MEF2A: variants seen among roughly 807,000 people sequenced by gnomAD.
MEF2A encodes myocyte-specific enhancer factor 2A.
MEF2A carries 28 observed loss-of-function variants against 55.8 expected under a neutral mutation model. The observed-to-expected ratio is 0.50, with a 90% CI of 0.37 to 0.69. The LOEUF (loss-of-function observed/expected upper bound fraction) is 0.69. Among genes scored for constraint, MEF2A ranks in the 30% least tolerant of loss-of-function variants. The probability of loss-of-function intolerance (pLI) is 0.00; values close to 1 mark genes in which losing one functional copy is unlikely to be tolerated. For missense variants in MEF2A, 528 were observed against 626.2 expected (o/e 0.84, Z 1.67); for synonymous variants, 239 against 227.1 (o/e 1.05, Z -0.47).
At chr15:99,684,111 C>G (rs2053768423) in intron 7 of MEF2A, among the ~76,000 whole-genome samples, 1 of 152,052 alleles carries the variant, frequency 6.6e-6, no homozygotes, top group African/African-American at 2.4e-5. Context: ...TTTTCTGTAT[C>G]CACTTGTTGG....
At chr15:99,602,988 G>A (rs1053901610) in intron 2 of MEF2A, among the ~76,000 whole-genome samples, 2 of 152,010 alleles carry the variant, frequency 1.3e-5, no homozygotes, top group African/African-American at 2.4e-5. Context: ...TTATTGGCAC[G>A]AAGTTGTATT....
chr15:99,588,457 A>AT (rs1968134798), intron 1 of MEF2A, among the ~76,000 whole-genome samples: 1 of 151,494 alleles, frequency 6.6e-6, no homozygotes, highest in Non-Finnish European at 1.5e-5. Context: ...ACACACCACC[A>AT]TGCCCAGCTA....
intron 4 of MEF2A, among the ~76,000 whole-genome samples, chr15:99,661,526 A>G (rs922968424): frequency 5.3e-5 from 8 of 151,954 alleles, no homozygotes; most frequent in African/African-American, 1.9e-4. Flanking sequence ...ATAAATAATT[A>G]AAAGAACTAC....
chr15:99,690,742 C>G (rs910889391), intron 8 of MEF2A: 1 of 461,932 alleles, frequency 2.2e-6, no homozygotes, highest in Non-Finnish European at 4.2e-6. Context: ...CATGTGGGAC[C>G]TAAAAAAATT....
intron 8 of MEF2A, among the ~76,000 whole-genome samples, chr15:99,692,602 C>G (rs2081476168): frequency 6.6e-6 from 1 of 152,054 alleles, no homozygotes; most frequent in Non-Finnish European, 1.5e-5. Context: ...GTGTGAAACT[C>G]CTGGGGGCCG....
chr15:99,637,639 G>T (rs1034309124), intron 3 of MEF2A, among the ~76,000 whole-genome samples: 5 of 151,484 alleles, frequency 3.3e-5, no homozygotes, highest in Middle Eastern at 3.2e-3. Flanking sequence ...GTTATTGTCT[G>T]TCTTTTTTTT....
chr15:99,662,601 G>A (rs959259543), intron 4 of MEF2A, among the ~76,000 whole-genome samples: 1 of 151,446 alleles, frequency 6.6e-6, no homozygotes, highest in East Asian at 1.9e-4. Context: ...TCATCCTCCT[G>A]AGTACCTGGA....
chr15:99,679,302 CA>C (rs1266602045), intron 7 of MEF2A, among the ~76,000 whole-genome samples: 18 of 152,316 alleles, frequency 1.2e-4, no homozygotes, highest in African/African-American at 4.3e-4. Flanking sequence ...ATGTTAAAGT[CA>C]TTGTCTAGAA....
chr15:99,701,498 A>G (rs1042456076), intron 8 of MEF2A, among the ~76,000 whole-genome samples: 8 of 152,234 alleles, frequency 5.3e-5, no homozygotes, highest in Non-Finnish European at 1.0e-4. Context: ...TGTGGGATCC[A>G]GGATCTGATC....
At chr15:99,623,893 C>T (rs988635038) in intron 2 of MEF2A, among the ~76,000 whole-genome samples, 8 of 151,616 alleles carry the variant, frequency 5.3e-5, no homozygotes, top group Non-Finnish European at 4.4e-5. Flanking sequence ...CTGCAATCTC[C>T]GCTTCCCGGG....
chr15:99,667,089 C>T (rs1567376146), intron 4 of MEF2A, among the ~76,000 whole-genome samples: 1 of 152,186 alleles, frequency 6.6e-6, no homozygotes, highest in Non-Finnish European at 1.5e-5. Context: ...AAAACCAATA[C>T]TTGCTCCAAT....
intron 4 of MEF2A, among the ~76,000 whole-genome samples, chr15:99,654,828 A>C (rs1218320305): frequency 6.6e-6 from 1 of 151,980 alleles, no homozygotes; most frequent in Non-Finnish European, 1.5e-5. Flanking sequence ...GCCATTAACT[A>C]TGTGTAGTTA....
chr15:99,633,260 C>T (rs2043215434), intron 3 of MEF2A, 87 bp downstream of exon 3: 1 of 904,544 alleles, frequency 1.1e-6, no homozygotes, highest in Non-Finnish European at 1.6e-6. Context: ...TTTTCTTAAA[C>T]TTAATTTTAA....
chr15:99,649,424 A>G (rs902360252), intron 4 of MEF2A, among the ~76,000 whole-genome samples: 3 of 152,160 alleles, frequency 2.0e-5, no homozygotes. Context: ...GAGTTTTATA[A>G]CTTTATTTCC....
At chr15:99,699,952 A>ATGTGTG (rs752346994) in intron 8 of MEF2A, among the ~76,000 whole-genome samples, 2,911 of 130,190 alleles carry the variant, frequency 0.022, 51 homozygotes, top group East Asian at 0.06. Flanking sequence ...AAGAGTTTAT[A>ATGTGTG]TGTGTGTGTG....
chr15:99,595,040 G>A (rs919307152), intron 1 of MEF2A, among the ~76,000 whole-genome samples: 5 of 152,064 alleles, frequency 3.3e-5, no homozygotes, highest in Admixed American at 1.3e-4. Flanking sequence ...TTCACCAAAA[G>A]CATTTACTGA....
chr15:99,682,662 C>T (rs192736508), intron 7 of MEF2A, among the ~76,000 whole-genome samples: 1 of 152,182 alleles, frequency 6.6e-6, no homozygotes. Context: ...TCATCTGCTA[C>T]TGACTCCTGA....
intron 7 of MEF2A, among the ~76,000 whole-genome samples, chr15:99,681,595 C>G (rs2053260913): frequency 6.6e-6 from 1 of 152,032 alleles, no homozygotes; most frequent in South Asian, 2.1e-4. Context: ...TGGGGGCTGC[C>G]CACATGGGAT....
intron 3 of MEF2A, among the ~76,000 whole-genome samples, chr15:99,637,103 G>A (rs2044014142): frequency 6.6e-6 from 1 of 150,390 alleles, no homozygotes; most frequent in African/African-American, 2.4e-5. Flanking sequence ...ATATCTGGTG[G>A]TGTAGTTCTG....
Sources: gnomAD v4.1 joint callset for allele counts (sites outside exome capture counted in the v4.1 genomes callset) on GRCh38, gnomAD v4.1.1 for gene constraint, MANE v1.5 for transcripts, NCBI Gene and HGNC (gene_info 2026-07-23, HGNC 2026-07-21) for gene names.